The following SMYD3 variants were observed in gnomAD, a reference collection of about 807,000 sequenced individuals.
SMYD3 encodes histone-lysine N-methyltransferase SMYD3.
SMYD3 carries 36 observed loss-of-function variants against 57.7 expected under a neutral mutation model. The observed-to-expected ratio is 0.62, with a 90% CI of 0.48 to 0.82. The LOEUF is 0.82. Ranked by LOEUF, SMYD3 falls within the 40% of genes least tolerant of loss-of-function variation. SMYD3 has a pLI of 0.00. For missense variants in SMYD3, 515 were observed against 538.8 expected (o/e 0.96, Z 0.44); for synonymous variants, 211 against 195.0 (o/e 1.08, Z -0.68).
intron 5 of SMYD3, among the ~76,000 whole-genome samples, chr1:246,073,318 T>A (rs1342366667): frequency 6.6e-6 from 1 of 152,230 alleles, no homozygotes; most frequent in Non-Finnish European, 1.5e-5. Flanking sequence ...AAAGTCTTCT[T>A]TTAAAATTGT....
intron 5 of SMYD3, among the ~76,000 whole-genome samples, chr1:246,126,501 G>A (rs2061511554): frequency 6.6e-6 from 1 of 152,182 alleles, no homozygotes; most frequent in East Asian, 1.9e-4. Context: ...AAATTGAAGA[G>A]GAATTATACT....
At chr1:246,501,964 CT>C (rs2068462693) in intron 1 of SMYD3, among the ~76,000 whole-genome samples, 1 of 152,146 alleles carries the variant, frequency 6.6e-6, no homozygotes, top group Non-Finnish European at 1.5e-5. Context: ...CTGCTGTTGC[CT>C]TTTCTGGCAC....
At chr1:246,055,555 T>C (rs911250937) in intron 5 of SMYD3, among the ~76,000 whole-genome samples, 2 of 152,214 alleles carry the variant, frequency 1.3e-5, no homozygotes, top group East Asian at 1.9e-4. Context: ...TGGCACACCT[T>C]TGCTCGCTGC....
Position 246,394,943 on chromosome 1 carries a change from C to T in SMYD3, c.165-39849G>A, listed in dbSNP as rs568635402. On this transcript the variant is annotated intron_variant, in intron 1 of 11. Coordinates refer to ENST00000490107, the MANE Select transcript of SMYD3 (RefSeq NM_001167740.2). ...TGAGAGGCTCCCGAACTTAGCTACA[C>T]TTTATTATATGAAAGGCTCCCGAAC... 2.0e-5 allele frequency among the ~76,000 whole-genome samples: 3 copies of T among 151,738 alleles called. No individual in the cohort carries two copies. In the South Asian group the frequency reaches 6.2e-4, roughly 32 times the overall value.
In SMYD3 at chr1:246,447,329, T is replaced by C. The variant is rs535461697; in HGVS notation, c.164+59725A>G. 3.3e-5 allele frequency among the ~76,000 whole-genome samples: 5 copies of C among 152,324 alleles called. No homozygotes were observed. The South Asian group carries it at 1.0e-3, about 32-fold the overall frequency. ...CGGAACACTGTGTAACAAAATGTGC[T>C]ATGAGAAAAGAGTACTTGTAAAATT... On this transcript the variant is annotated intron_variant, in intron 1 of 11. Coordinates refer to ENST00000490107, the MANE Select transcript of SMYD3 (RefSeq NM_001167740.2).
At chr1:245,898,959 T>C (rs888338925) in intron 8 of SMYD3, among the ~76,000 whole-genome samples, 8 of 152,296 alleles carry the variant, frequency 5.3e-5, no homozygotes, top group African/African-American at 1.9e-4. Context: ...TTTCCAGAAA[T>C]TAAGCTGCAG....
Position 245,860,318 on chromosome 1 carries a change from C to T in SMYD3, c.902-1648G>A, listed in dbSNP as rs1160717537. 2.6e-5 allele frequency among the ~76,000 whole-genome samples: 4 copies of T among 152,188 alleles called. No homozygotes were observed. In the East Asian group the frequency reaches 7.7e-4, roughly 29 times the overall value. ...AGCTCACTGTTTATGGTCCCCTCTC[C>T]CTCTCTGTCCAGCAAAACCTTCCTC... On this transcript the variant is annotated intron_variant, in intron 9 of 11. Transcript: ENST00000490107.
At chr1:246,281,800 T>A (rs923703719) in intron 5 of SMYD3, among the ~76,000 whole-genome samples, 2 of 152,132 alleles carry the variant, frequency 1.3e-5, no homozygotes, top group Non-Finnish European at 2.9e-5. Context: ...CATACGTGAC[T>A]ATGGAAAGAA....
chr1:246,013,066 A>G (rs1050262585), intron 5 of SMYD3, among the ~76,000 whole-genome samples: 4 of 152,252 alleles, frequency 2.6e-5, no homozygotes, highest in Admixed American at 6.5e-5. Flanking sequence ...TGCCGAGAAG[A>G]CAAGACCACG....
At chr1:246,418,246 G>A (rs779417993) in intron 1 of SMYD3, among the ~76,000 whole-genome samples, 8 of 152,212 alleles carry the variant, frequency 5.3e-5, no homozygotes, top group Admixed American at 3.3e-4. Context: ...CGGATAAACC[G>A]ACAAATATTA....
At chr1:246,346,087 A>G (rs1217886819) in intron 2 of SMYD3, among the ~76,000 whole-genome samples, 1 of 152,170 alleles carries the variant, frequency 6.6e-6, no homozygotes, top group Non-Finnish European at 1.5e-5. Context: ...GATCGAGACC[A>G]TCCTGGCTAA....
intron 10 of SMYD3, among the ~76,000 whole-genome samples, chr1:245,794,751 A>G (rs1479709187): frequency 6.6e-6 from 1 of 152,058 alleles, no homozygotes; most frequent in Admixed American, 6.6e-5. Context: ...CCTCACCACT[A>G]TCTCTTAATT....
At chr1:246,375,685 C>G (rs965451045) in intron 1 of SMYD3, among the ~76,000 whole-genome samples, 1 of 152,030 alleles carries the variant, frequency 6.6e-6, no homozygotes, top group Non-Finnish European at 1.5e-5. Flanking sequence ...GTCAAAAGAT[C>G]GGCAATAATG....
rs72766628 is a variant in SMYD3, at chr1:245,782,741, G to T, written c.1077-18592C>A. On this transcript the variant is annotated intron_variant, in intron 10 of 11. Transcript: ENST00000490107. ...TTAAATACCTATTAAGATATAAAAA[G>T]ATTTAAATATAAAAAAATTAAATTC... is the stretch of plus-strand genomic sequence containing the variant. Among the ~76,000 whole-genome samples the T allele has an allele frequency of 5.1e-3, 772 of 152,216 alleles. 2 individuals are homozygous for T. The highest frequency in any genetic ancestry group is 9.0e-3 in the Non-Finnish European group (611 of 67,994).
intron 5 of SMYD3, among the ~76,000 whole-genome samples, chr1:246,131,927 C>A (rs1398446755): frequency 1.3e-5 from 2 of 151,990 alleles, no homozygotes; most frequent in Non-Finnish European, 2.9e-5. Context: ...ATGAGAAATT[C>A]TTGATGTCCT....
At chr1:245,792,557 A>G (rs1158664167) in intron 10 of SMYD3, among the ~76,000 whole-genome samples, 4 of 152,174 alleles carry the variant, frequency 2.6e-5, no homozygotes, top group Non-Finnish European at 5.9e-5. Flanking sequence ...TTATTCCACA[A>G]CTTCTCAGTT....
chr1:246,363,191 A>G (rs1161119783), intron 1 of SMYD3, among the ~76,000 whole-genome samples: 22 of 143,910 alleles, frequency 1.5e-4, no homozygotes, highest in Admixed American at 7.5e-4. Context: ...CCCGGCAGCC[A>G]CCCCGTCTGG....
intron 5 of SMYD3, among the ~76,000 whole-genome samples, chr1:246,100,629 T>C (rs1457370745): frequency 6.6e-6 from 1 of 152,192 alleles, no homozygotes; most frequent in Non-Finnish European, 1.5e-5. Context: ...AGACAGAAGA[T>C]ATTCACCCTC....
chr1:245,953,287 C>G (rs966033401), intron 5 of SMYD3: 20 of 999,370 alleles, frequency 2.0e-5, no homozygotes, highest in Non-Finnish European at 2.4e-5. Context: ...CTTCACTGCA[C>G]ATTAATATAT....
Sources: allele counts gnomAD v4.1 joint callset (sites outside exome capture counted in the v4.1 genomes callset), GRCh38; gene constraint gnomAD v4.1.1; transcripts MANE v1.5; gene names NCBI Gene and HGNC (gene_info 2026-07-23, HGNC 2026-07-21).